MYH14: variants seen among roughly 807,000 people sequenced by gnomAD.
MYH14 encodes the protein myosin heavy chain 14.
Under a neutral mutation model 255.5 loss-of-function variants are expected in MYH14, and 123 were observed. The ratio of observed to expected loss-of-function variants is 0.48; its 90% CI spans 0.42 to 0.56. MYH14 has a LOEUF of 0.56. Ranked by LOEUF, MYH14 falls within the 20% of genes least tolerant of loss-of-function variation. The pLI, the probability that MYH14 is intolerant of heterozygous loss-of-function variation, is 0.00. For missense variants in MYH14, 2,423 were observed against 2,802.3 expected, an observed-to-expected ratio of 0.86 and a Z score of 3.06; for synonymous variants, 1,095 against 1,161.2, an observed-to-expected ratio of 0.94 and a Z score of 1.16.
At position 50,271,560 on chromosome 19, in the gene MYH14, G is replaced by T; in HGVS notation, c.3171+14G>T. On this transcript the variant is annotated intron_variant, in intron 25 of 42. Transcript: ENST00000642316. ...AAGCTGAGCAAGGTTGGGGGCCTGA[G>T]GGCAGCTGGGAAAGTGGGGATGGGG... is the stretch of plus-strand genomic sequence containing the variant. The T allele has an allele frequency of 6.2e-7, 1 of 1,600,692 alleles. No individual in the cohort carries two copies. Among genetic ancestry groups the T allele is most frequent in the South Asian group, 1.1e-5 (1 of 88,442 alleles).
chr19:50,271,807 C>T, intron 25 of MYH14, 42 bp from the exon 26 acceptor site: 1 of 1,610,506 alleles, frequency 6.2e-7, no homozygotes, highest in Non-Finnish European at 8.5e-7. Flanking sequence ...TGCTCCTGGC[C>T]CAACTCCTCC....
intron 39 of MYH14, among the ~76,000 whole-genome samples, chr19:50,297,943 T>C (rs767832227): frequency 2.0e-5 from 3 of 152,040 alleles, no homozygotes; most frequent in Non-Finnish European, 4.4e-5. Flanking sequence ...GACATGAATT[T>C]TGCGTGGGAG....
In MYH14 at chr19:50,271,187, G is replaced by A. The variant is rs145184756; in HGVS notation, c.3034-222G>A. Among the ~76,000 whole-genome samples the A allele has an allele frequency of 1.3e-3, 200 of 152,110 alleles. 1 individual carries two copies. Among genetic ancestry groups the A allele is most frequent in the African/African-American group, 4.6e-3 (189 of 41,488 alleles). The stretch of plus-strand genomic sequence containing the variant: ...TTACCCATCCTCAGTGCCTAGAACC[G>A]TGCCTGGCATACACTAGGCACTCAA... On this transcript the variant is annotated intron_variant, in intron 24 of 42. Transcript: ENST00000642316.
intron 39 of MYH14, 85 bp from the exon 40 acceptor site, chr19:50,301,576 C>T: frequency 2.0e-6 from 2 of 996,232 alleles, no homozygotes; most frequent in Non-Finnish European, 3.1e-6. Context: ...CATCAGTGCA[C>T]TTAATTCTCA....
At chr19:50,213,054 G>A (rs1366889068) in intron 2 of MYH14, among the ~76,000 whole-genome samples, 2 of 152,206 alleles carry the variant, frequency 1.3e-5, no homozygotes, top group Non-Finnish European at 2.9e-5. Flanking sequence ...CTGGGATCAA[G>A]CAACTCTCTT....
intron 20 of MYH14, 42 bp downstream of exon 20, chr19:50,260,757 G>A: frequency 6.8e-7 from 1 of 1,473,346 alleles, no homozygotes; most frequent in Non-Finnish European, 9.3e-7. Context: ...GCGTGTGTGT[G>A]TGTGCGTGCA....
rs778366633 is a variant in MYH14, at chr19:50,281,666, G to A, written c.4363G>A (p.Ala1455Thr). 16 of 1,609,368 alleles carry A rather than the reference G, an allele frequency of 9.9e-6. No individual in the cohort carries two copies. The African/African-American group carries it at 1.6e-4, about 16-fold the overall frequency. Residue 1455 changes from alanine (A) to threonine (T), a missense_variant, in exon 33 of 43, where the codon GCA (alanine) becomes ACA (threonine). Physicochemically the swap from Ala to Thr is moderately conservative, Grantham distance 58. This residue lies in a region of MYH14 where 1,513 missense variants were observed against 1,674.8 expected (regional missense o/e 0.90). Transcript: ENST00000642316. Reference protein sequence around the residue: ...LEAGEEARRRAAREAEALTQR... With the variant: ...LEAGEEARRRTAREAEALTQR... ...GGCAGGGGAGGAGGCACGGCGCCGG[G>A]CAGCCCGGGAGGCCGAGGCCCTGAC...
chr19:50,278,015 A>G (rs2035571540), intron 29 of MYH14, 68 bp from the exon 30 acceptor site: 1 of 1,267,194 alleles, frequency 7.9e-7, no homozygotes, highest in Non-Finnish European at 1.1e-6. Flanking sequence ...AGGCCCTGAG[A>G]TGGGAGTGTG....
intron 10 of MYH14, among the ~76,000 whole-genome samples, chr19:50,243,513 AGC>A (rs955909027): frequency 5.3e-5 from 8 of 152,190 alleles, no homozygotes; most frequent in African/African-American, 1.9e-4. Flanking sequence ...CCGTGGTCTC[AGC>A]CACTCTGGGG....
intron 20 of MYH14, among the ~76,000 whole-genome samples, chr19:50,260,946 G>T (rs1039637565): frequency 2.0e-5 from 3 of 150,508 alleles, no homozygotes; most frequent in Non-Finnish European, 3.0e-5. Context: ...GTGGGGCTGG[G>T]ATCTCCCCTT....
At position 50,243,297 on chromosome 19, in the gene MYH14, G is replaced by A. The variant is rs565973111; in HGVS notation, c.1115-945G>A. Among the ~76,000 whole-genome samples, 77 of 152,194 alleles carry A rather than the reference G, an allele frequency of 5.1e-4. No homozygotes were observed. In the Middle Eastern group the frequency reaches 0.01, roughly 20 times the overall value. On this transcript the variant is annotated intron_variant, in intron 10 of 42. Transcript: ENST00000642316. ...CTAAAAATACAAAAATTAGCCGGGT[G>A]TGGTGGTGTGCACCAGTAATCCCAG...
chr19:50,299,526 GCA>G (rs1317058275), intron 39 of MYH14, among the ~76,000 whole-genome samples: 1 of 124,584 alleles, frequency 8.0e-6, no homozygotes, highest in African/African-American at 3.2e-5. Flanking sequence ...AGCTGAGATT[GCA>G]CCACTGCACT....
At position 50,268,254 on chromosome 19, in the gene MYH14, C is replaced by G; in HGVS notation, c.2920C>G (p.Arg974Gly). 6.4e-7 allele frequency: 1 copy of G among 1,570,536 alleles called. No homozygotes were observed. The highest frequency in any genetic ancestry group is 8.6e-7 in the Non-Finnish European group (1 of 1,158,170). Reference sequence around the variant, plus strand: ...GGAGACGCGGGGGAGGCTGGCAGCCCGCAAGCAGGAGCTGGAGCTGGTGGT... The same window carrying G: ...GGAGACGCGGGGGAGGCTGGCAGCCGGCAAGCAGGAGCTGGAGCTGGTGGT... ...AEETRGRLAA[R>G]KQELELVVSE... The change falls in exon 24 of 43, where the codon CGC (arginine) becomes GGC (glycine). Residue 974 changes from arginine to glycine, a missense_variant. Arg to Gly is a moderately radical substitution (Grantham distance 125, BLOSUM62 -2). Coordinates refer to ENST00000642316, the MANE Select transcript of MYH14 (RefSeq NM_001145809.2).
intron 20 of MYH14, 133 bp downstream of exon 20, chr19:50,260,848 T>TGC (rs1324127567): frequency 1.5e-6 from 1 of 686,524 alleles, no homozygotes; most frequent in Non-Finnish European, 2.6e-6. Context: ...CGTGTGTGCG[T>TGC]GTGTGTGTGC....
rs896847980 is a variant in MYH14 at position 50,276,187 on chromosome 19, G to A, written c.3664G>A (p.Ala1222Thr). 43 of 1,546,236 alleles carry A rather than the reference G, an allele frequency of 2.8e-5. No individual in the cohort carries two copies. The highest frequency in any genetic ancestry group is 2.7e-4 in the African/African-American group (20 of 73,048). Reference protein sequence around the residue: ...ELEDTLDSTNAQQELRSKREQ... With the variant: ...ELEDTLDSTNTQQELRSKREQ... Reference sequence around the variant, plus strand: ...GGAGGACACGCTGGACTCCACCAACGCACAGCAGGAGCTCCGGTGAGGCCC... The same window carrying A: ...GGAGGACACGCTGGACTCCACCAACACACAGCAGGAGCTCCGGTGAGGCCC... The change falls in exon 28 of 43, where the codon GCA becomes ACA. Residue 1222 changes from alanine (A) to threonine (T), a missense_variant. By Grantham distance (58) the Ala-to-Thr change is moderately conservative (BLOSUM62 0). Transcript: ENST00000642316. This position sits in a 1 kb window ranked among gnomAD's most constrained non-coding sequence, Gnocchi z 4.3.
intron 1 of MYH14, among the ~76,000 whole-genome samples, chr19:50,207,974 C>T (rs2031908278): frequency 2.0e-5 from 3 of 152,182 alleles, no homozygotes; most frequent in Admixed American, 2.0e-4. Flanking sequence ...AACCCCCTTC[C>T]TCGCTCCTGT....
chr19:50,233,058 G>T (rs1298636469), intron 10 of MYH14, among the ~76,000 whole-genome samples: 1 of 152,144 alleles, frequency 6.6e-6, no homozygotes, highest in Non-Finnish European at 1.5e-5. Context: ...TCTAGGGAAG[G>T]CTCAGGACGC....
At chr19:50,257,561 G>A in intron 18 of MYH14, 75 bp downstream of exon 18, 1 of 1,425,224 alleles carries the variant, frequency 7.0e-7, no homozygotes. Context: ...CTTGGCTGGA[G>A]CCACATCTGA....
At position 50,272,665 on chromosome 19, in the gene MYH14, A is replaced by G. The variant is rs934260773; in HGVS notation, c.3401A>G (p.Gln1134Arg). 1.2e-5 allele frequency: 19 copies of G among 1,558,022 alleles called. No individual in the cohort carries two copies. The highest frequency in any genetic ancestry group is 7.8e-5 in the Admixed American group (4 of 51,558). ...CAGGAGCAGATGGTGGAGCAGCAAC[A>G]GCGGGCAGAGGAGCTGCGGGCCCAG... ...ELQEQMVEQQ[Q>R]RAEELRAQLG... The change falls in exon 27 of 43, where the codon CAG becomes CGG. Residue 1134 changes from glutamine (Q) to arginine (R), a missense_variant. Transcript: ENST00000642316.
Sources: gnomAD v4.1 joint callset for allele counts (sites outside exome capture counted in the v4.1 genomes callset) on GRCh38, gnomAD v4.1.1 for gene constraint, gnomAD v4.1.1 regional missense constraint, Gnocchi (gnomAD v3.1) non-coding constraint, MANE v1.5 for transcripts, NCBI Gene and HGNC (gene_info 2026-07-23, HGNC 2026-07-21) for gene names.